CDC42BPB: variants seen among roughly 807,000 people sequenced by gnomAD.
CDC42BPB encodes serine/threonine-protein kinase MRCK beta.
In CDC42BPB, 37 loss-of-function variants were observed where a neutral mutation model predicts 214.9. That is an observed-to-expected ratio of 0.17 (90% CI 0.13 to 0.23). The LOEUF (loss-of-function observed/expected upper bound fraction) is 0.23, where lower values mean the gene tolerates loss of function less well. CDC42BPB is among the 10% of genes least tolerant of loss of function. The probability of loss-of-function intolerance (pLI) is 1.00; values close to 1 mark genes in which losing one functional copy is unlikely to be tolerated. For synonymous variants in CDC42BPB, 931 were observed against 884.0 expected (o/e 1.05, Z -0.94); for missense variants, 1,694 against 2,227.0 (o/e 0.76, Z 4.82).
At chr14:103,038,385 G>A (rs1172841915) in intron 1 of CDC42BPB, among the ~76,000 whole-genome samples, 12 of 150,784 alleles carry the variant, frequency 8.0e-5, no homozygotes, top group African/African-American at 2.2e-4. Flanking sequence ...CTCCTTAATA[G>A]CCCCAAAGCG....
intron 28 of CDC42BPB, 46 bp downstream of exon 28, chr14:102,946,422 G>A (rs1892178994): frequency 6.2e-7 from 1 of 1,604,638 alleles, no homozygotes; most frequent in Non-Finnish European, 8.5e-7. Flanking sequence ...GCCGCCGGAA[G>A]TGCTGTTGCT....
At chr14:102,941,085 G>A in intron 30 of CDC42BPB, 1 of 975,186 alleles carries the variant, frequency 1.0e-6, no homozygotes, top group Non-Finnish European at 1.2e-6. Flanking sequence ...TGACACAGCT[G>A]TGCCACACGA....
chr14:102,983,878 ATG>A (rs1894119202), intron 6 of CDC42BPB, 122 bp from the exon 7 acceptor site: 7 of 1,458,706 alleles, frequency 4.8e-6, no homozygotes, highest in Non-Finnish European at 6.3e-6. Context: ...AAACTGATGA[ATG>A]ATCGTGTTTT....
chr14:103,043,917 G>C (rs1025678337), intron 1 of CDC42BPB, among the ~76,000 whole-genome samples: 5 of 152,068 alleles, frequency 3.3e-5, no homozygotes, highest in Admixed American at 3.3e-4. Flanking sequence ...AATATATCCA[G>C]GCTTATCATT....
intron 1 of CDC42BPB, among the ~76,000 whole-genome samples, chr14:103,051,149 T>TGGGGCGGGGGGGGGG (rs935745400): frequency 4.8e-4 from 2 of 4,180 alleles, no homozygotes; most frequent in African/African-American, 7.5e-4. Flanking sequence ...CTAGTGTATT[T>TGGGGCGGGGGGGGGG]GGGGCGGGGG....
intron 1 of CDC42BPB, chr14:103,041,460 T>C (rs1030494240): frequency 7.1e-6 from 8 of 1,119,476 alleles, no homozygotes; most frequent in South Asian, 6.7e-5. Context: ...GAAGGGGCTC[T>C]AGGCAGCCAT....
At chr14:102,966,174 C>T in intron 18 of CDC42BPB, 108 bp downstream of exon 18, 1 of 782,952 alleles carries the variant, frequency 1.3e-6, no homozygotes. Flanking sequence ...ACACAGAAGT[C>T]TCTTGCATCA....
rs1281107097 is a variant in CDC42BPB, at chr14:102,980,665, A to C, written c.1140+108T>G. The C allele has an allele frequency of 2.7e-6, 3 of 1,125,312 alleles. No homozygotes were observed. In the African/African-American group the frequency reaches 4.6e-5, roughly 17 times the overall value. The allele number at this position is 1,125,312 out of a possible 1,614,324, so 69.7% of individuals were successfully genotyped here. A position where few individuals can be genotyped will look rare whatever the true frequency, so the allele number is the denominator to read the frequency against. ...TAAAAAGCACACTGTCTTAAGTGCC[A>C]AATTTCACAGCTTTATGGTGTACTG... is the stretch of plus-strand genomic sequence containing the variant. On this transcript the variant is annotated intron_variant, in intron 8 of 36. Coordinates refer to ENST00000361246, the MANE Select transcript of CDC42BPB (RefSeq NM_006035.4).
chr14:102,961,139 C>G (rs765101252), intron 20 of CDC42BPB, among the ~76,000 whole-genome samples: 6 of 151,748 alleles, frequency 4.0e-5, no homozygotes, highest in Non-Finnish European at 5.9e-5. Context: ...TGCACTCCAG[C>G]CTGGGCAACA....
At chr14:103,016,335 C>T (rs189571291) in intron 1 of CDC42BPB, among the ~76,000 whole-genome samples, 3 of 152,372 alleles carry the variant, frequency 2.0e-5, no homozygotes, top group South Asian at 2.1e-4. Flanking sequence ...AGCTGCAAGT[C>T]GTCCTCCCGC....
At position 102,968,583 on chromosome 14, in the gene CDC42BPB, A is replaced by T; in HGVS notation, c.2129T>A (p.Leu710Gln). The change falls in exon 15 of 37, where the codon CTA becomes CAA. Residue 710 changes from leucine (L) to glutamine (Q), a missense_variant. By Grantham distance (113) the Leu-to-Gln change is moderately radical (BLOSUM62 -2). Coordinates refer to ENST00000361246, the MANE Select transcript of CDC42BPB (RefSeq NM_006035.4). ...CTCCTTCTTCACATTTTTCACTTCT[A>T]GCACATGGGAGGCCTCACGTCTGAC... ...ELVRREASHV[L>Q]EVKNVKKEVH... 1.2e-6 allele frequency: 2 copies of T among 1,614,132 alleles called. No homozygotes were observed. The highest frequency in any genetic ancestry group is 1.7e-6 in the Non-Finnish European group (2 of 1,180,030).
chr14:102,973,114 C>T (rs1022661055), intron 12 of CDC42BPB, among the ~76,000 whole-genome samples: 1 of 152,182 alleles, frequency 6.6e-6, no homozygotes, highest in African/African-American at 2.4e-5. Context: ...TGACAAGACC[C>T]TGAGCAAGCT....
intron 34 of CDC42BPB, among the ~76,000 whole-genome samples, chr14:102,939,026 T>G (rs1891767492): frequency 6.6e-6 from 1 of 151,446 alleles, no homozygotes; most frequent in African/African-American, 2.4e-5. Flanking sequence ...AAGCTCCGCC[T>G]CCCGGGTTCA....
At chr14:103,056,450 G>A (rs1888956573) in intron 1 of CDC42BPB, among the ~76,000 whole-genome samples, 1 of 152,160 alleles carries the variant, frequency 6.6e-6, no homozygotes, top group Non-Finnish European at 1.5e-5. Context: ...GGTCCCACGG[G>A]GCAGTGGGCG....
chr14:103,054,142 G>A (rs1277088950), intron 1 of CDC42BPB, among the ~76,000 whole-genome samples: 5 of 152,128 alleles, frequency 3.3e-5, no homozygotes, highest in Non-Finnish European at 7.4e-5. Flanking sequence ...GGGATTACAG[G>A]CATGAGCCAC....
intron 20 of CDC42BPB, among the ~76,000 whole-genome samples, chr14:102,961,221 G>A (rs1205931623): frequency 2.0e-5 from 3 of 152,096 alleles, no homozygotes; most frequent in Non-Finnish European, 2.9e-5. Flanking sequence ...ACACAAGTAT[G>A]AGAAGCATGA....
chr14:102,976,204 A>G (rs1342240371), intron 9 of CDC42BPB, 155 bp from the exon 10 acceptor site: 3 of 985,340 alleles, frequency 3.0e-6, no homozygotes, highest in Non-Finnish European at 3.6e-6. Flanking sequence ...AAAGTTAGAC[A>G]AGTGACCAGA....
chr14:102,984,513 C>T (rs966601358), intron 6 of CDC42BPB, among the ~76,000 whole-genome samples: 2 of 152,218 alleles, frequency 1.3e-5, no homozygotes, highest in African/African-American at 2.4e-5. Flanking sequence ...CTCCTACCCC[C>T]GCAAGGGAGA....
chr14:102,981,053 G>A (rs112987476), intron 7 of CDC42BPB, 32 bp from the exon 8 acceptor site: 80 of 1,613,326 alleles, frequency 5.0e-5, no homozygotes, highest in Non-Finnish European at 5.7e-5. Flanking sequence ...CCGGTGGACA[G>A]GTGGACGCAT....
Sources: allele counts gnomAD v4.1 joint callset (sites outside exome capture counted in the v4.1 genomes callset), GRCh38; gene constraint gnomAD v4.1.1; transcripts MANE v1.5; gene names NCBI Gene and HGNC (gene_info 2026-07-23, HGNC 2026-07-21).